Variants in DMD observed in about 807,000 individuals in gnomAD.
DMD encodes the protein dystrophin.
A neutral mutation model predicts 330.1 loss-of-function variants in DMD; 63 were observed. The ratio of observed to expected loss-of-function variants is 0.19; its 90% confidence interval spans 0.16 to 0.24. The LOEUF (loss-of-function observed/expected upper bound fraction) is 0.24, where lower values mean the gene tolerates loss of function less well. Among genes scored for constraint, DMD ranks in the 10% least tolerant of loss-of-function variants. The pLI is 1.00. For missense variants in DMD, 3,344 were observed against 2,684.1 expected (o/e 1.25, Z -5.43); for synonymous variants, 1,223 against 959.8 (o/e 1.27, Z -5.07).
At chrX:33,251,073 T>G (rs2052764879) in intron 1 of DMD, among the ~76,000 whole-genome samples, 1 of 111,228 alleles carries the variant, frequency 9.0e-6, no homozygotes, top group African/African-American at 3.3e-5. Flanking sequence ...TTCTACTTGC[T>G]GAGCCCGTAC....
At chrX:33,002,850 G>GAAAAA (rs145168802) in intron 2 of DMD, among the ~76,000 whole-genome samples, 1 of 38,759 alleles carries the variant, frequency 2.6e-5, no homozygotes, top group African/African-American at 1.1e-4. Context: ...TTTTTTTCTC[G>GAAAAA]AAAAAAAAAA....
At chrX:32,006,259 G>A (rs2095660734) in intron 44 of DMD, among the ~76,000 whole-genome samples, 1 of 111,594 alleles carries the variant, frequency 9.0e-6, no homozygotes, top group African/African-American at 3.3e-5. Context: ...GTTATTTCCT[G>A]TAGCTGTCTG....
chrX:31,901,809 T>C (rs1007994900), intron 47 of DMD, among the ~76,000 whole-genome samples: 4 of 111,829 alleles, frequency 3.6e-5, no homozygotes, highest in African/African-American at 9.7e-5. Context: ...CCGTTTCTAA[T>C]GTATTTATTT....
In DMD at chrX:31,209,661, C is replaced by A. The variant is rs765186260; in HGVS notation, c.9400G>T (p.Asp3134Tyr). The change falls in exon 65 of 79, where the codon GAC (aspartate) becomes TAC (tyrosine). Residue 3134 changes from aspartate to tyrosine, a missense_variant. Coordinates refer to ENST00000357033, the MANE Select transcript of DMD (RefSeq NM_004006.3). Reference protein sequence around the residue: ...LSLSAACDALDQHNLKQNDQP... With the variant: ...LSLSAACDALYQHNLKQNDQP... The stretch of plus-strand genomic sequence containing the variant: ...TCATTTTGCTTGAGGTTGTGCTGGT[C>A]CAAGGCATCACATGCAGCTGACAGG... 2.5e-6 allele frequency: 3 copies of A among 1,209,353 alleles called. No homozygotes were observed. The highest frequency in any genetic ancestry group is 3.5e-5 in the African/African-American group (2 of 56,957).
At chrX:32,602,272 C>G (rs945425735) in intron 12 of DMD, among the ~76,000 whole-genome samples, 1 of 111,962 alleles carries the variant, frequency 8.9e-6, no homozygotes, top group East Asian at 2.8e-4. Context: ...TGGTAGCCCT[C>G]AATTCTCTTG....
intron 42 of DMD, among the ~76,000 whole-genome samples, chrX:32,307,426 C>T (rs2097544577): frequency 9.0e-6 from 1 of 111,523 alleles, no homozygotes; most frequent in African/African-American, 3.3e-5. Flanking sequence ...AACTACCTGA[C>T]ACTCATGAGC....
chrX:31,350,187 T>G (rs1023443086), intron 60 of DMD, among the ~76,000 whole-genome samples: 1 of 111,610 alleles, frequency 9.0e-6, no homozygotes, highest in Non-Finnish European at 1.9e-5. Flanking sequence ...ACTACCTGCC[T>G]GTCCTGCACT....
chrX:32,299,663 G>A (rs922668689), intron 42 of DMD, among the ~76,000 whole-genome samples: 5 of 110,755 alleles, frequency 4.5e-5, no homozygotes, highest in Admixed American at 9.6e-5. Context: ...ATTTAAAAAT[G>A]ATCTCACCTG....
chrX:32,374,204 T>C (rs1160733798), intron 34 of DMD, among the ~76,000 whole-genome samples: 1 of 111,766 alleles, frequency 8.9e-6, no homozygotes, highest in African/African-American at 3.2e-5. Context: ...CTGGATATTA[T>C]TCTTTTGTCA....
At chrX:32,601,534 G>A (rs1357124929) in intron 12 of DMD, among the ~76,000 whole-genome samples, 1 of 111,595 alleles carries the variant, frequency 9.0e-6, no homozygotes, top group Non-Finnish European at 1.9e-5. Flanking sequence ...AATACGAAAA[G>A]AAACTGTTTT....
intron 34 of DMD, among the ~76,000 whole-genome samples, chrX:32,375,968 G>T (rs1262777132): frequency 1.8e-5 from 2 of 111,515 alleles, no homozygotes; most frequent in Non-Finnish European, 3.8e-5. Flanking sequence ...GAACATAACT[G>T]ATCTTTTGGC....
chrX:31,449,763 GATATAT>G (rs59787771), intron 59 of DMD, among the ~76,000 whole-genome samples: 1,528 of 62,434 alleles, frequency 0.024, 28 homozygotes, highest in East Asian at 0.11. Flanking sequence ...TAAATGGTGT[GATATAT>G]ATATATATAT....
intron 44 of DMD, among the ~76,000 whole-genome samples, chrX:32,056,083 G>T (rs2147602524): frequency 9.0e-6 from 1 of 111,037 alleles, no homozygotes; most frequent in African/African-American, 3.3e-5. Context: ...TAAATTAAAT[G>T]ATAAACTTTC....
intron 44 of DMD, among the ~76,000 whole-genome samples, chrX:32,032,542 C>A (rs965143435): frequency 2.7e-5 from 3 of 111,423 alleles, no homozygotes; most frequent in Non-Finnish European, 3.8e-5. Context: ...ACATGGAAAG[C>A]GCTTAGATGT....
intron 11 of DMD, among the ~76,000 whole-genome samples, chrX:32,627,222 G>T (rs2058409828): frequency 1.2e-5 from 1 of 86,928 alleles, no homozygotes; most frequent in African/African-American, 5.6e-5. Flanking sequence ...GCAAATACCT[G>T]GAAAGCTGTA....
intron 44 of DMD, among the ~76,000 whole-genome samples, chrX:32,138,629 A>G (rs1244382741): frequency 8.9e-6 from 1 of 112,156 alleles, no homozygotes; most frequent in Non-Finnish European, 1.9e-5. Flanking sequence ...TGACTAATAA[A>G]GATAGATATT....
chrX:31,855,729 T>TAA (rs199506599), intron 48 of DMD, among the ~76,000 whole-genome samples: 5 of 109,128 alleles, frequency 4.6e-5, no homozygotes, highest in Admixed American at 3.0e-4. Flanking sequence ...CGTATTTTTT[T>TAA]AAAAAAAAAC....
At chrX:32,723,863 T>C (rs913656165) in intron 7 of DMD, among the ~76,000 whole-genome samples, 3 of 108,179 alleles carry the variant, frequency 2.8e-5, no homozygotes, top group East Asian at 2.9e-4. Flanking sequence ...ACACTAACAA[T>C]AGCTAATCAA....
At chrX:31,522,351 CTCTCTCTCTCTCTA>C (rs1394109677) in intron 55 of DMD, among the ~76,000 whole-genome samples, 1 of 64,911 alleles carries the variant, frequency 1.5e-5, no homozygotes, top group Non-Finnish European at 2.6e-5. Flanking sequence ...CTCTCTCTCT[CTCTCTCTCTCTCTA>C]TATATATATA....
Sources: allele counts gnomAD v4.1 joint callset (sites outside exome capture counted in the v4.1 genomes callset), GRCh38; gene constraint gnomAD v4.1.1; transcripts MANE v1.5; gene names NCBI Gene and HGNC (gene_info 2026-07-23, HGNC 2026-07-21).